Variants in GRIA1 observed in about 807,000 individuals in gnomAD.
GRIA1 encodes the protein glutamate ionotropic receptor AMPA type subunit 1, also known as glutamate receptor 1.
In GRIA1, 31 loss-of-function variants were observed where a neutral mutation model predicts 99.2. The observed-to-expected ratio is 0.31, with a 90% CI of 0.23 to 0.42. GRIA1 has a LOEUF of 0.42. Ranked by LOEUF, GRIA1 falls within the 10% of genes least tolerant of loss-of-function variation. GRIA1 has a pLI of 1.00. For missense variants in GRIA1, 782 were observed against 1,157.5 expected (o/e 0.68, Z 4.71); for synonymous variants, 438 against 432.4 (o/e 1.01, Z -0.16).
At chr5:153,571,119 G>C (rs944470175) in intron 2 of GRIA1, among the ~76,000 whole-genome samples, 1 of 152,168 alleles carries the variant, frequency 6.6e-6, no homozygotes, top group African/African-American at 2.4e-5. Context: ...CTGCACAATG[G>C]AGGATGTTCA....
At chr5:153,710,852 A>G (rs1314113620) in intron 11 of GRIA1, among the ~76,000 whole-genome samples, 1 of 152,234 alleles carries the variant, frequency 6.6e-6, no homozygotes, top group Non-Finnish European at 1.5e-5. Flanking sequence ...ATGTGCTATG[A>G]ATAAAATGAA....
Position 153,583,228 on chromosome 5 carries a change from C to T in GRIA1, c.221-63700C>T, listed in dbSNP as rs575524709. On this transcript the variant is annotated intron_variant, in intron 2 of 15. Transcript: ENST00000285900. ...GACTGCAAGTGTGAGCCTCTGCACC[C>T]GGGTCCCCTGACTTTTAGAAGTGGA... Among the ~76,000 whole-genome samples the T allele has an allele frequency of 1.2e-4, 18 of 152,238 alleles. No homozygotes were observed. In the South Asian group the frequency reaches 3.1e-3, roughly 26 times the overall value.
intron 5 of GRIA1, among the ~76,000 whole-genome samples, chr5:153,657,272 A>G (rs1449500278): frequency 1.3e-5 from 2 of 152,226 alleles, no homozygotes; most frequent in African/African-American, 4.8e-5. Flanking sequence ...ATTATTTTCC[A>G]AAGTGGCTGC....
chr5:153,709,039 C>A (rs1759120064), intron 11 of GRIA1, among the ~76,000 whole-genome samples: 2 of 152,310 alleles, frequency 1.3e-5, no homozygotes, highest in South Asian at 4.1e-4. Flanking sequence ...AGAGAAGAGA[C>A]ATATACTTCA....
chr5:153,542,026 C>T (rs1298312017), intron 2 of GRIA1, among the ~76,000 whole-genome samples: 4 of 151,196 alleles, frequency 2.6e-5, no homozygotes, highest in Admixed American at 6.6e-5. Flanking sequence ...GAACTTTGGG[C>T]ATCACCTTGA....
In GRIA1 at chr5:153,556,911, A is replaced by G. The variant is rs144684684; in HGVS notation, c.220+62846A>G. Among the ~76,000 whole-genome samples, 247 of 152,324 alleles carry G rather than the reference A, an allele frequency of 1.6e-3. 2 individuals carry two copies. The East Asian group carries it at 0.03, about 19-fold the overall frequency. On this transcript the variant is annotated intron_variant, in intron 2 of 15. Coordinates refer to ENST00000285900, the MANE Select transcript of GRIA1 (RefSeq NM_000827.4). ...ACAAATCTAAATGGTGTAGCCTACT[A>G]CACACCTAGGCTATATTGGATGATA...
At chr5:153,675,353 A>C (rs568193591) in intron 6 of GRIA1, among the ~76,000 whole-genome samples, 1 of 152,328 alleles carries the variant, frequency 6.6e-6, no homozygotes, top group South Asian at 2.1e-4. Flanking sequence ...GCAGATCTCT[A>C]CCTGGGAGAG....
intron 12 of GRIA1, among the ~76,000 whole-genome samples, chr5:153,769,469 CA>C (rs927224905): frequency 1.2e-4 from 18 of 151,882 alleles, no homozygotes; most frequent in Admixed American, 8.5e-4. Flanking sequence ...ACCAGCATCT[CA>C]AGTGGAAAAA....
chr5:153,646,809 A>G (rs1754184387), intron 2 of GRIA1, 119 bp from the exon 3 acceptor site: 1 of 1,073,426 alleles, frequency 9.3e-7, no homozygotes, highest in South Asian at 1.5e-5. Context: ...AGATGGATAG[A>G]TGACAGTTGG....
intron 4 of GRIA1, among the ~76,000 whole-genome samples, chr5:153,652,966 C>A (rs1188644531): frequency 1.3e-5 from 2 of 152,074 alleles, no homozygotes; most frequent in Admixed American, 1.3e-4. Context: ...CAGTCTAACA[C>A]AAAATTTTCC....
At chr5:153,709,624 G>A (rs1160161083) in intron 11 of GRIA1, among the ~76,000 whole-genome samples, 2 of 152,184 alleles carry the variant, frequency 1.3e-5, no homozygotes, top group Non-Finnish European at 1.5e-5. Context: ...TGGCCATTCT[G>A]TAAATTATCT....
chr5:153,786,434 T>G (rs2149647019), intron 13 of GRIA1, among the ~76,000 whole-genome samples: 1 of 152,076 alleles, frequency 6.6e-6, no homozygotes, highest in Admixed American at 6.6e-5. Flanking sequence ...TTTTAAAATC[T>G]GATACAGTCT....
chr5:153,523,824 C>T (rs1293332107), intron 2 of GRIA1, among the ~76,000 whole-genome samples: 1 of 152,182 alleles, frequency 6.6e-6, no homozygotes, highest in Non-Finnish European at 1.5e-5. Flanking sequence ...AGCTCAATGA[C>T]TATTTGTTGA....
At chr5:153,569,073 G>T (rs1761897735) in intron 2 of GRIA1, among the ~76,000 whole-genome samples, 1 of 152,118 alleles carries the variant, frequency 6.6e-6, no homozygotes, top group South Asian at 2.1e-4. Context: ...TGGTGGGGGG[G>T]TCTGATAGCA....
intron 2 of GRIA1, among the ~76,000 whole-genome samples, chr5:153,640,684 C>T (rs1413667870): frequency 6.6e-6 from 1 of 152,202 alleles, no homozygotes; most frequent in African/African-American, 2.4e-5. Context: ...TCTCAAATCA[C>T]CCTTTATTTT....
intron 2 of GRIA1, among the ~76,000 whole-genome samples, chr5:153,576,931 TGGA>T (rs1430187553): frequency 1.0e-3 from 2 of 1,998 alleles, no homozygotes; most frequent in Non-Finnish European, 2.7e-3. Flanking sequence ...AAATATTGGA[TGGA>T]TGGATGGATG....
intron 4 of GRIA1, among the ~76,000 whole-genome samples, chr5:153,653,371 G>C (rs114396830): frequency 6.6e-6 from 1 of 152,150 alleles, no homozygotes; most frequent in Non-Finnish European, 1.5e-5. Flanking sequence ...GATGCTGAGC[G>C]TCCACTGGAG....
At chr5:153,553,910 C>G (rs1760379569) in intron 2 of GRIA1, among the ~76,000 whole-genome samples, 1 of 152,130 alleles carries the variant, frequency 6.6e-6, no homozygotes, top group Admixed American at 6.5e-5. Context: ...AGGGGGGACC[C>G]TCTCCTGTCC....
chr5:153,790,845 G>A (rs1765251154), intron 13 of GRIA1, among the ~76,000 whole-genome samples: 1 of 152,038 alleles, frequency 6.6e-6, no homozygotes, highest in African/African-American at 2.4e-5. Context: ...ACTACTGCTA[G>A]GCTAAGGGAT....
Sources: allele counts gnomAD v4.1 joint callset (sites outside exome capture counted in the v4.1 genomes callset), GRCh38; gene constraint gnomAD v4.1.1; transcripts MANE v1.5; gene names NCBI Gene and HGNC (gene_info 2026-07-23, HGNC 2026-07-21).